The following ARSB variants were observed in gnomAD, a reference collection of about 807,000 sequenced individuals.
ARSB encodes N-acetylgalactosamine-4-sulfatase.
Under a neutral mutation model 50.9 loss-of-function variants are expected in ARSB, and 41 were observed. The observed-to-expected ratio is 0.81, with a 90% CI of 0.63 to 1.04. ARSB has a LOEUF of 1.04. ARSB is among the 50% of genes least tolerant of loss of function. The probability of loss-of-function intolerance (pLI) is 0.00; values close to 1 mark genes in which losing one functional copy is unlikely to be tolerated. For missense variants in ARSB, 672 were observed against 693.3 expected (o/e 0.97, Z 0.35); for synonymous variants, 269 against 284.8 (o/e 0.94, Z 0.56).
intron 6 of ARSB, among the ~76,000 whole-genome samples, chr5:78,823,352 A>T (rs1292398952): frequency 2.6e-5 from 4 of 152,208 alleles, no homozygotes; most frequent in Non-Finnish European, 5.9e-5. Flanking sequence ...CAGCCATTTA[A>T]GAGGCATGAG....
At chr5:78,882,720 C>T (rs947503530) in intron 5 of ARSB, among the ~76,000 whole-genome samples, 8 of 144,734 alleles carry the variant, frequency 5.5e-5, no homozygotes, top group Non-Finnish European at 1.1e-4. Context: ...AAGAAAAATT[C>T]TAAGGAAATA....
intron 4 of ARSB, among the ~76,000 whole-genome samples, chr5:78,908,541 C>T (rs1039669682): frequency 2.6e-5 from 4 of 152,042 alleles, no homozygotes; most frequent in Admixed American, 2.6e-4. Flanking sequence ...CCAATGAAAA[C>T]GGGCAGGCTC....
chr5:78,935,493 C>T (rs185960229), intron 4 of ARSB, among the ~76,000 whole-genome samples: 2 of 152,216 alleles, frequency 1.3e-5, no homozygotes, highest in South Asian at 2.1e-4. Flanking sequence ...GAGCTTGGCC[C>T]GTGGCAGGTG....
intron 6 of ARSB, among the ~76,000 whole-genome samples, chr5:78,801,843 A>G (rs1224787604): frequency 6.6e-6 from 1 of 152,100 alleles, no homozygotes; most frequent in African/African-American, 2.4e-5. Context: ...TGTGGTCTCC[A>G]AGACACTGCT....
chr5:78,786,074 T>C (rs1247002269), intron 6 of ARSB, among the ~76,000 whole-genome samples: 1 of 152,218 alleles, frequency 6.6e-6, no homozygotes, highest in Non-Finnish European at 1.5e-5. Flanking sequence ...CAAAGTTGTA[T>C]AACCATCACT....
Position 78,961,744 on chromosome 5 carries a change from C to T in ARSB, c.690+2672G>A, listed in dbSNP as rs536857888. On this transcript the variant is annotated intron_variant, in intron 3 of 7. Transcript: ENST00000264914. Reference sequence around the variant, plus strand: ...AGATTAAGGTATGGCAGATTGTGAACCTGTAATAGGTAGCTGGCTTCTGCT... The same window carrying T: ...AGATTAAGGTATGGCAGATTGTGAATCTGTAATAGGTAGCTGGCTTCTGCT... Among the ~76,000 whole-genome samples, 5 of 151,996 alleles carry T rather than the reference C, an allele frequency of 3.3e-5. No homozygotes were observed. In the East Asian group the frequency reaches 9.7e-4, roughly 30 times the overall value.
intron 5 of ARSB, among the ~76,000 whole-genome samples, chr5:78,872,863 C>G (rs1301383341): frequency 6.7e-6 from 1 of 149,436 alleles, no homozygotes; most frequent in Middle Eastern, 3.2e-3. Flanking sequence ...AAAGAAACTG[C>G]ACTTCACTAT....
intron 1 of ARSB, among the ~76,000 whole-genome samples, chr5:78,972,331 T>C (rs1277970013): frequency 2.0e-5 from 3 of 152,146 alleles, no homozygotes; most frequent in African/African-American, 4.8e-5. Context: ...CTCCACTGGA[T>C]TACTACACTA....
intron 2 of ARSB, among the ~76,000 whole-genome samples, chr5:78,967,196 T>C (rs1366740586): frequency 6.6e-6 from 1 of 152,290 alleles, no homozygotes; most frequent in East Asian, 1.9e-4. Flanking sequence ...TAACGTATTA[T>C]TAAAATGACA....
chr5:78,890,251 C>CTTTTTTTTTTTTTTT lies in ARSB; in HGVS notation c.899-4439_899-4425dup, dbSNP rs55797488. Reference sequence around the variant, plus strand: ...ACATTCTGATATTCTCAAATCTTATCTTTTTTTTTTTTTTTTTGAGACAAA... The same window carrying CTTTTTTTTTTTTTTT: ...ACATTCTGATATTCTCAAATCTTATCTTTTTTTTTTTTTTTTTTTTTTTTTTTTTTTTGAGACAAA... On this transcript the variant is annotated intron_variant, in intron 4 of 7. Transcript: ENST00000264914. Among the ~76,000 whole-genome samples, 4 of 134,904 alleles carry CTTTTTTTTTTTTTTT rather than the reference C, an allele frequency of 3.0e-5. 1 individual carries two copies. The highest frequency in any genetic ancestry group is 4.8e-5 in the Non-Finnish European group (3 of 62,484). The allele number at this position is 134,904 out of a possible 152,430, so 88.5% of individuals were successfully genotyped here. A position where few individuals can be genotyped will look rare whatever the true frequency, so the allele number is the denominator to read the frequency against.
chr5:78,802,573 G>A (rs1033391412), intron 6 of ARSB, among the ~76,000 whole-genome samples: 4 of 152,164 alleles, frequency 2.6e-5, no homozygotes, highest in African/African-American at 9.7e-5. Context: ...CTGAGAAACA[G>A]CCCCGGGAAA....
intron 4 of ARSB, among the ~76,000 whole-genome samples, chr5:78,946,639 G>A (rs1751247928): frequency 1.3e-5 from 2 of 151,984 alleles, no homozygotes; most frequent in Non-Finnish European, 2.9e-5. Context: ...CAGACACAAA[G>A]TAATGGAAAG....
At chr5:78,939,916 T>C (rs2112428224) in intron 4 of ARSB, among the ~76,000 whole-genome samples, 1 of 152,350 alleles carries the variant, frequency 6.6e-6, no homozygotes, top group Non-Finnish European at 1.5e-5. Context: ...AAAGTGTTCC[T>C]ATTTCTCCAC....
chr5:78,957,557 C>T (rs1301841911), intron 3 of ARSB, among the ~76,000 whole-genome samples: 1 of 152,116 alleles, frequency 6.6e-6, no homozygotes, highest in African/African-American at 2.4e-5. Flanking sequence ...AATGTAGAAC[C>T]CGTACTTCCA....
intron 1 of ARSB, among the ~76,000 whole-genome samples, chr5:78,983,513 C>T (rs569245404): frequency 6.6e-6 from 1 of 151,776 alleles, no homozygotes; most frequent in South Asian, 2.1e-4. Context: ...TCACCTTTCC[C>T]TTCTTCTTCT....
intron 5 of ARSB, among the ~76,000 whole-genome samples, chr5:78,861,660 T>C (rs977443364): frequency 3.9e-5 from 6 of 152,198 alleles, no homozygotes; most frequent in African/African-American, 1.2e-4. Flanking sequence ...AATATCATAC[T>C]GAATGGGCAA....
At chr5:78,886,356 T>C (rs1208549380) in intron 4 of ARSB, among the ~76,000 whole-genome samples, 2 of 152,228 alleles carry the variant, frequency 1.3e-5, no homozygotes, top group African/African-American at 4.8e-5. Context: ...ATAATATCTC[T>C]TTCTTAAGTG....
chr5:78,931,369 C>A (rs186110606), intron 4 of ARSB, among the ~76,000 whole-genome samples: 1 of 152,168 alleles, frequency 6.6e-6, no homozygotes, highest in African/African-American at 2.4e-5. Context: ...CCCTTTGAAA[C>A]CTAAATGTCT....
intron 5 of ARSB, among the ~76,000 whole-genome samples, chr5:78,843,264 G>T (rs116585090): frequency 2.6e-5 from 4 of 152,220 alleles, no homozygotes; most frequent in African/African-American, 7.2e-5. Flanking sequence ...AGTTTCCCAG[G>T]TGACATTGAT....
Sources: allele counts gnomAD v4.1 joint callset (sites outside exome capture counted in the v4.1 genomes callset), GRCh38; gene constraint gnomAD v4.1.1; transcripts MANE v1.5; gene names NCBI Gene and HGNC (gene_info 2026-07-23, HGNC 2026-07-21).